The following VPS35L variants were observed in gnomAD, a reference collection of about 807,000 sequenced individuals.
VPS35L encodes VPS35 endosomal protein-sorting factor-like.
Under a neutral mutation model 133.0 loss-of-function variants are expected in VPS35L, and 83 were observed. That is an observed-to-expected ratio of 0.62 (90% CI 0.52 to 0.75). The LOEUF is 0.75. Among genes scored for constraint, VPS35L ranks in the 30% least tolerant of loss-of-function variants. The pLI is 0.00. For missense variants in VPS35L, 1,083 were observed against 1,206.8 expected, an observed-to-expected ratio of 0.90 and a Z score of 1.52; for synonymous variants, 423 against 449.9, an observed-to-expected ratio of 0.94 and a Z score of 0.76.
chr16:19,622,379 G>A (rs1024411423), intron 14 of VPS35L, among the ~76,000 whole-genome samples: 1 of 151,720 alleles, frequency 6.6e-6, no homozygotes, highest in African/African-American at 2.4e-5. Context: ...CTTACCTCAG[G>A]TGATCCACCC....
In VPS35L at chr16:19,699,469, G is replaced by A; in HGVS notation, c.2647-33G>A. ...TCTGCGGGGCACGGCCTGAGCCCCA[G>A]TGCAAGGCAGTAACCTCCCTTTTCT... is the stretch of plus-strand genomic sequence containing the variant. On this transcript the variant is annotated intron_variant, in intron 29 of 30. Transcript: ENST00000417362. The surrounding 1 kb of genome is among the most constrained non-coding windows in gnomAD (Gnocchi z 4.2). The A allele has an allele frequency of 1.2e-6, 2 of 1,613,052 alleles. No individual in the cohort carries two copies. The highest frequency in any genetic ancestry group is 1.7e-6 in the Non-Finnish European group (2 of 1,179,374).
At chr16:19,591,586 G>C (rs566402227) in intron 7 of VPS35L, among the ~76,000 whole-genome samples, 1 of 152,068 alleles carries the variant, frequency 6.6e-6, no homozygotes, top group South Asian at 2.1e-4. Context: ...CAAAGAAGAG[G>C]TTCTGTTGTA....
intron 16 of VPS35L, among the ~76,000 whole-genome samples, chr16:19,628,010 C>T (rs1251102051): frequency 6.6e-6 from 1 of 152,032 alleles, no homozygotes; most frequent in Admixed American, 6.6e-5. Context: ...CCCCATGAGC[C>T]CTAAATCTAT....
chr16:19,576,791 C>T (rs1020051818), intron 5 of VPS35L, among the ~76,000 whole-genome samples: 1 of 151,592 alleles, frequency 6.6e-6, no homozygotes, highest in Non-Finnish European at 1.5e-5. Context: ...AGTGCAACCT[C>T]TGCCTCCTGG....
At chr16:19,674,184 C>CTTTTTTTTTTTTTTTTT (rs201038834) in intron 27 of VPS35L, among the ~76,000 whole-genome samples, 12 of 70,908 alleles carry the variant, frequency 1.7e-4, no homozygotes, top group African/African-American at 3.1e-4. Context: ...TTTTCTTTTT[C>CTTTTTTTTTTTTTTTTT]TTTTTTTTTT....
chr16:19,569,602 C>G lies in VPS35L; in HGVS notation c.285+11C>G. 2 of 1,525,064 alleles carry G rather than the reference C, an allele frequency of 1.3e-6. No individual in the cohort carries two copies. The highest frequency in any genetic ancestry group is 1.8e-6 in the Non-Finnish European group (2 of 1,137,548). The allele number at this position is 1,525,064 out of a possible 1,614,324, so 94.5% of individuals were successfully genotyped here. On this transcript the variant is annotated intron_variant, in intron 3 of 30. Transcript: ENST00000417362. The stretch of plus-strand genomic sequence containing the variant: ...TTGGCAGCTGCCATGGTAATGCACC[C>G]CAGCCATGGTCGTCCAGTGGGGGTT...
In VPS35L at chr16:19,663,669, CTTTTTTTTTT is replaced by C. The variant is rs59826351; in HGVS notation, c.2222-5472_2222-5463del. On this transcript the variant is annotated intron_variant, in intron 26 of 30. Transcript: ENST00000417362. ...GCTTGGTGCAACAGTGCAGTAATTTCTTTTTTTTTTTTTTTTTTTTTTTTTTTTACATTTT... is the reference window on the plus strand; with the variant it reads ...GCTTGGTGCAACAGTGCAGTAATTTCTTTTTTTTTTTTTTTTTTACATTTT... 4.4e-4 allele frequency among the ~76,000 whole-genome samples: 28 copies of C among 63,918 alleles called. No individual in the cohort carries two copies. In the East Asian group the frequency reaches 7.6e-3, roughly 17 times the overall value. 41.9% of individuals were successfully genotyped at this position (63,918 alleles called of 152,430 possible). A position where few individuals can be genotyped will look rare whatever the true frequency, so the allele number is the denominator to read the frequency against.
chr16:19,579,134 C>T lies in VPS35L; in HGVS notation c.510+6C>T. The T allele has an allele frequency of 6.2e-7, 1 of 1,613,142 alleles. No individual in the cohort carries two copies. Among genetic ancestry groups the T allele is most frequent in the Non-Finnish European group, 8.5e-7 (1 of 1,179,554 alleles). ...AGCTGGATGACTTTGAGGAGGTGAG[C>T]AAGTCATTTGTGGAATACAGGGAGT... is the stretch of plus-strand genomic sequence containing the variant. On this transcript the variant is annotated splice_donor_region_variant and intron_variant, in intron 6 of 30. Transcript: ENST00000417362.
At chr16:19,609,066 T>C in intron 11 of VPS35L, 45 bp downstream of exon 11, 1 of 1,533,390 alleles carries the variant, frequency 6.5e-7, no homozygotes, top group Non-Finnish European at 9.0e-7. Context: ...TTTCTAAAAA[T>C]CTCCCATGTG....
chr16:19,631,958 A>AT (rs35363007), intron 18 of VPS35L, among the ~76,000 whole-genome samples: 6 of 150,764 alleles, frequency 4.0e-5, no homozygotes, highest in South Asian at 2.1e-4. Context: ...AAAGTTACTA[A>AT]TTTTTTTTTT....
intron 29 of VPS35L, among the ~76,000 whole-genome samples, chr16:19,697,263 C>G (rs1975947530): frequency 6.6e-6 from 1 of 152,194 alleles, no homozygotes; most frequent in South Asian, 2.1e-4. Flanking sequence ...CTCAATTTTG[C>G]CCGGAGTGGG....
chr16:19,688,485 A>G (rs993415746), intron 28 of VPS35L, among the ~76,000 whole-genome samples: 2 of 152,186 alleles, frequency 1.3e-5, no homozygotes, highest in African/African-American at 4.8e-5. Flanking sequence ...CCGCGTGTAC[A>G]CAACCACACC....
chr16:19,558,312 A>T (rs1257201667), intron 1 of VPS35L, among the ~76,000 whole-genome samples: 2 of 152,206 alleles, frequency 1.3e-5, no homozygotes, highest in Non-Finnish European at 2.9e-5. Flanking sequence ...GTTGCGGAGG[A>T]AGAAATAGAG....
intron 27 of VPS35L, among the ~76,000 whole-genome samples, chr16:19,675,494 T>C (rs989412669): frequency 5.3e-5 from 8 of 152,168 alleles, no homozygotes; most frequent in African/African-American, 1.9e-4. Flanking sequence ...TACCCAGAAG[T>C]AGCATTGCTG....
chr16:19,619,947 C>T (rs1973024160), intron 14 of VPS35L, among the ~76,000 whole-genome samples: 1 of 152,078 alleles, frequency 6.6e-6, no homozygotes, highest in African/African-American at 2.4e-5. Context: ...GAGGCCAAGA[C>T]TTCAAAATAG....
intron 29 of VPS35L, among the ~76,000 whole-genome samples, chr16:19,697,047 T>C (rs1006601372): frequency 1.2e-4 from 19 of 152,176 alleles, no homozygotes; most frequent in African/African-American, 4.3e-4. Context: ...TTAGAACAAA[T>C]GAAGGCAGAG....
At chr16:19,667,098 G>A (rs563450735) in intron 26 of VPS35L, among the ~76,000 whole-genome samples, 2 of 152,002 alleles carry the variant, frequency 1.3e-5, no homozygotes, top group African/African-American at 4.8e-5. Flanking sequence ...CGAGTAGCTG[G>A]AATTACAGGC....
chr16:19,605,652 C>T (rs1301385303), intron 9 of VPS35L, among the ~76,000 whole-genome samples: 1 of 152,220 alleles, frequency 6.6e-6, no homozygotes, highest in Non-Finnish European at 1.5e-5. Context: ...GGCTGGCTCC[C>T]TTTCGTAGTT....
chr16:19,560,369 C>T (rs189996934), intron 1 of VPS35L, among the ~76,000 whole-genome samples: 5 of 152,328 alleles, frequency 3.3e-5, no homozygotes, highest in African/African-American at 1.2e-4. Flanking sequence ...AGCGTTTGCT[C>T]AGCTGTTGAT....
Sources: gnomAD v4.1 joint callset for allele counts (sites outside exome capture counted in the v4.1 genomes callset) on GRCh38, gnomAD v4.1.1 for gene constraint, Gnocchi (gnomAD v3.1) non-coding constraint, MANE v1.5 for transcripts, NCBI Gene and HGNC (gene_info 2026-07-23, HGNC 2026-07-21) for gene names.